VIT: variants seen among roughly 807,000 people sequenced by gnomAD.
VIT encodes the protein vitrin.
VIT carries 99 observed loss-of-function variants against 78.0 expected under a neutral mutation model. The ratio of observed to expected loss-of-function variants is 1.27; its 90% CI spans 1.08 to 1.50. The LOEUF (loss-of-function observed/expected upper bound fraction) is 1.50, where lower values mean the gene tolerates loss of function less well. Among genes scored for constraint, VIT ranks in the 40% most tolerant of loss-of-function variants. VIT has a pLI of 0.00. For missense variants in VIT, 1,126 were observed against 875.3 expected, an observed-to-expected ratio of 1.29 and a Z score of -3.61; for synonymous variants, 374 against 334.3, an observed-to-expected ratio of 1.12 and a Z score of -1.29.
At chr2:36,740,165 G>A (rs376627344) in intron 3 of VIT, among the ~76,000 whole-genome samples, 2 of 152,138 alleles carry the variant, frequency 1.3e-5, no homozygotes, top group African/African-American at 2.4e-5. Context: ...AGGGAGATAC[G>A]AATAAACCTT....
At chr2:36,782,407 C>T (rs551590750) in intron 10 of VIT, among the ~76,000 whole-genome samples, 1 of 152,298 alleles carries the variant, frequency 6.6e-6, no homozygotes, top group South Asian at 2.1e-4. Context: ...GCTAGCTGAC[C>T]TTTAACGGAA....
rs1448408357 is a variant in VIT at position 36,773,711 on chromosome 2, G to A, written c.680-80G>A. The A allele has an allele frequency of 1.2e-5, 16 of 1,292,482 alleles. No homozygotes were observed. In the African/African-American group the frequency reaches 1.8e-4, roughly 15 times the overall value. The allele number at this position is 1,292,482 out of a possible 1,614,324, so 80.1% of individuals were successfully genotyped here. A position where few individuals can be genotyped will look rare whatever the true frequency, so the allele number is the denominator to read the frequency against. On this transcript the variant is annotated intron_variant, in intron 7 of 15. Transcript: ENST00000379242. ...TGCACTCCAGCTCTGGGCATACAGT[G>A]AGACTCCGACTCAAAAATAAATAAA...
At chr2:36,731,232 T>G (rs1028136248) in intron 3 of VIT, among the ~76,000 whole-genome samples, 10 of 152,100 alleles carry the variant, frequency 6.6e-5, no homozygotes, top group African/African-American at 2.4e-4. Context: ...TAAGTACTAC[T>G]GGCCAGCAGT....
At chr2:36,788,284 G>A (rs899077707) in intron 12 of VIT, among the ~76,000 whole-genome samples, 2 of 152,150 alleles carry the variant, frequency 1.3e-5, no homozygotes, top group Non-Finnish European at 2.9e-5. Context: ...CACCCGCGGG[G>A]TCTCCAGCGC....
In VIT at chr2:36,759,007, C is replaced by G. The variant is rs1480926546; in HGVS notation, c.448C>G (p.Leu150Val). 2 of 1,613,884 alleles carry G rather than the reference C, an allele frequency of 1.2e-6. No homozygotes were observed. The highest frequency in any genetic ancestry group is 2.7e-5 in the African/African-American group (2 of 74,824). The change falls in exon 6 of 16, where the codon CTT becomes GTT. Residue 150 changes from leucine to valine, a missense_variant. Leu to Val is a conservative substitution (Grantham distance 32). Transcript: ENST00000379242. ...AAAGGGTGTAACCTACCCATCAGCT[C>G]TTACATACTCATCATCGAAAAGTCC... is the stretch of plus-strand genomic sequence containing the variant. ...PKKGVTYPSA[L>V]TYSSSKSPAA...
At chr2:36,804,463 A>G (rs1666557010) in intron 13 of VIT, among the ~76,000 whole-genome samples, 1 of 152,112 alleles carries the variant, frequency 6.6e-6, no homozygotes, top group African/African-American at 2.4e-5. Context: ...CTCCCACCCT[A>G]CACTCTTGGA....
intron 12 of VIT, among the ~76,000 whole-genome samples, chr2:36,790,119 C>A (rs563764132): frequency 6.6e-6 from 1 of 152,090 alleles, no homozygotes; most frequent in African/African-American, 2.4e-5. Context: ...AAATATAAGA[C>A]CTATAAAAAT....
chr2:36,717,108 C>G (rs1338143544), intron 2 of VIT, among the ~76,000 whole-genome samples: 1 of 151,746 alleles, frequency 6.6e-6, no homozygotes, highest in Non-Finnish European at 1.5e-5. Context: ...AACTCCTGAC[C>G]TCGTGATCCG....
chr2:36,772,069 T>G (rs1669795347), intron 7 of VIT, among the ~76,000 whole-genome samples: 1 of 152,174 alleles, frequency 6.6e-6, no homozygotes, highest in Non-Finnish European at 1.5e-5. Flanking sequence ...ATCATCTTAT[T>G]TTTACAGTAA....
At chr2:36,770,695 G>T (rs1476772775) in intron 7 of VIT, among the ~76,000 whole-genome samples, 5 of 152,186 alleles carry the variant, frequency 3.3e-5, no homozygotes, top group African/African-American at 1.2e-4. Flanking sequence ...AAAGAGTTCT[G>T]GAAAAGACAG....
At chr2:36,805,931 G>T (rs929608660) in intron 14 of VIT, among the ~76,000 whole-genome samples, 2 of 152,074 alleles carry the variant, frequency 1.3e-5, no homozygotes, top group African/African-American at 2.4e-5. Context: ...CCCAGGGGGG[G>T]TCTCACCCAG....
chr2:36,723,963 A>T (rs1666672978), intron 2 of VIT, among the ~76,000 whole-genome samples: 1 of 138,728 alleles, frequency 7.2e-6, no homozygotes, highest in Admixed American at 7.1e-5. Context: ...AAAGAAAAGA[A>T]AAGAGAGGGG....
intron 7 of VIT, among the ~76,000 whole-genome samples, chr2:36,770,653 C>T (rs1303790398): frequency 2.0e-5 from 3 of 152,120 alleles, no homozygotes; most frequent in Non-Finnish European, 2.9e-5. Flanking sequence ...GAGGGGGAAG[C>T]CGGGAGAGCC....
At position 36,777,409 on chromosome 2, in the gene VIT, G is replaced by C. The variant is rs545044876; in HGVS notation, c.802+2342G>C. On this transcript the variant is annotated intron_variant, in intron 9 of 15. Coordinates refer to ENST00000379242, the MANE Select transcript of VIT (RefSeq NM_053276.4). The stretch of plus-strand genomic sequence containing the variant: ...TAATCCCTCCAATAGGTCTTTGCTG[G>C]ACTTGGCAGTACACCCTCTAACTAT... Among the ~76,000 whole-genome samples, 38 of 151,918 alleles carry C rather than the reference G, an allele frequency of 2.5e-4. 1 individual carries two copies. The South Asian group carries it at 7.5e-3, about 30-fold the overall frequency.
chr2:36,813,578 C>G (rs10200548), intron 15 of VIT, among the ~76,000 whole-genome samples: 100,552 of 151,728 alleles, frequency 0.66, 34,013 homozygotes, highest in Admixed American at 0.8. Flanking sequence ...TGTTGGAACA[C>G]ATGCTGGGGA....
In VIT at chr2:36,801,437, G is replaced by T. The variant is rs188414667; in HGVS notation, c.1162+33G>T. On this transcript the variant is annotated intron_variant, in intron 13 of 15. Transcript: ENST00000379242. ...ATCCGGATTCAAATTATACTATCTT[G>T]CTACCATCGTTCTCTTTCTACGTGA... 32 of 1,525,702 alleles carry T rather than the reference G, an allele frequency of 2.1e-5. 1 individual carries two copies. The East Asian group carries it at 7.0e-4, about 33-fold the overall frequency. The allele number at this position is 1,525,702 out of a possible 1,614,324, so 94.5% of individuals were successfully genotyped here.
At chr2:36,791,415 A>C (rs568646915) in intron 12 of VIT, among the ~76,000 whole-genome samples, 1 of 152,302 alleles carries the variant, frequency 6.6e-6, no homozygotes, top group Admixed American at 6.5e-5. Flanking sequence ...AATGACCCCG[A>C]AGTTGTCAAT....
chr2:36,807,117 C>T (rs1666787082), intron 14 of VIT, among the ~76,000 whole-genome samples: 1 of 152,204 alleles, frequency 6.6e-6, no homozygotes, highest in Non-Finnish European at 1.5e-5. Flanking sequence ...CTGACGCCCC[C>T]TCCCCAGTTC....
chr2:36,737,119 TCC>T (rs1413912250), intron 3 of VIT, among the ~76,000 whole-genome samples: 1 of 152,142 alleles, frequency 6.6e-6, no homozygotes, highest in African/African-American at 2.4e-5. Flanking sequence ...ACAATAGGAC[TCC>T]TATTGGTCTT....
Sources: gnomAD v4.1 joint callset for allele counts (sites outside exome capture counted in the v4.1 genomes callset) on GRCh38, gnomAD v4.1.1 for gene constraint, MANE v1.5 for transcripts, NCBI Gene and HGNC (gene_info 2026-07-23, HGNC 2026-07-21) for gene names.